Variants in FAM180B observed in about 807,000 individuals in gnomAD.
The protein encoded by FAM180B is family with sequence similarity 180 member B.
Under a neutral mutation model 13.6 loss-of-function variants are expected in FAM180B, and 14 were observed. The ratio of observed to expected loss-of-function variants is 1.03; its 90% CI spans 0.68 to 1.60. FAM180B has a LOEUF of 1.60. FAM180B is among the 40% of genes most tolerant of loss of function. The pLI, the probability that FAM180B is intolerant of heterozygous loss-of-function variation, is 0.00. For missense variants in FAM180B, 212 were observed against 230.4 expected (o/e 0.92, Z 0.52); for synonymous variants, 109 against 97.0 (o/e 1.12, Z -0.72).
rs1379331772 is a variant in FAM180B, at chr11:47,588,707, A to AGTGTGTGTGT, written c.*275_*284dup. On this transcript the variant is annotated 3_prime_UTR_variant, in exon 3 of 3. Transcript: ENST00000538490. ...AGAGCTAAGGGCACGACTTGCAGGC[A>AGTGTGTGTGT]GTGTGTGTGTGAGTGTGTGTGTGTG... 2 of 359,290 alleles carry AGTGTGTGTGT rather than the reference A, an allele frequency of 5.6e-6. No homozygotes were observed. Among genetic ancestry groups the AGTGTGTGTGT allele is most frequent in the Non-Finnish European group, 9.9e-6 (2 of 202,176 alleles). 22.3% of individuals were successfully genotyped at this position (359,290 alleles called of 1,614,324 possible). A position where few individuals can be genotyped will look rare whatever the true frequency, so the allele number is the denominator to read the frequency against.
chr11:47,587,938 A>G, intron 2 of FAM180B, 101 bp from the exon 3 acceptor site: 1 of 1,413,628 alleles, frequency 7.1e-7, no homozygotes, highest in African/African-American at 1.4e-5. Context: ...GCAAGCCAGC[A>G]TGCGTCCTGC....
chr11:47,587,788 G>A lies in FAM180B; in HGVS notation c.123G>A (p.Leu41=). ...PMDSTSVGGG[L]QEPEAPEVMF... ...ACAGCACCAGCGTGGGAGGTGGCCT[G>A]CAGGAGCCAGAGGCCCCGGAAGTGA... Residue 41 remains leucine, a synonymous_variant, in exon 2 of 3, where the codon CTG becomes CTA. Transcript: ENST00000538490. 6.5e-7 allele frequency: 1 copy of A among 1,535,216 alleles called. No homozygotes were observed. Among genetic ancestry groups the A allele is most frequent in the East Asian group, 2.4e-5 (1 of 40,904 alleles).
chr11:47,586,837 AAC>A lies in FAM180B; in HGVS notation c.70_71del (p.Thr24ProfsTer28), dbSNP rs2097271860. 1.3e-6 allele frequency: 2 copies of A among 1,537,008 alleles called. No homozygotes were observed. The highest frequency in any genetic ancestry group is 1.7e-6 in the Non-Finnish European group (2 of 1,146,678). On this transcript the variant is annotated frameshift_variant, in exon 1 of 3. Coordinates refer to ENST00000538490, the MANE Select transcript of FAM180B (RefSeq NM_001164379.3). LOFTEE classifies it high-confidence loss of function. ...AICLLSGVTTTQPHAGQPMDS... is the reference protein window; with the variant it reads ...AICLLSGVTTXQPHAGQPMDS... ...TTTGTCTCCTCTCTGGTGTGACTAC[AAC>A]CCAGCCCCATGCAGGTACCAGGCTT...
At chr11:47,587,707 A>C in intron 1 of FAM180B, 44 bp from the exon 2 acceptor site, 2 of 1,380,044 alleles carry the variant, frequency 1.4e-6, no homozygotes, top group South Asian at 1.4e-5. Flanking sequence ...TGGGGTGTTC[A>C]TGGTGTAGCA....
intron 1 of FAM180B, among the ~76,000 whole-genome samples, chr11:47,587,174 C>G (rs144007532): frequency 6.6e-6 from 1 of 152,040 alleles, no homozygotes; most frequent in African/African-American, 2.4e-5. Flanking sequence ...GTGGGCCGGA[C>G]GGAGCTGCCA....
At chr11:47,587,610 GGGCATGGGAT>G (rs2097272313) in intron 1 of FAM180B, 131 bp from the exon 2 acceptor site, 1 of 590,312 alleles carries the variant, frequency 1.7e-6, no homozygotes, top group South Asian at 2.2e-5. Context: ...GGGGAAAGGA[GGGCATGGGAT>G]GGCATTCCTG....
rs1185611283 is a variant in FAM180B at position 47,586,689 on chromosome 11, T to C, written c.-80T>C. 1.4e-5 allele frequency: 14 copies of C among 1,034,158 alleles called. No individual in the cohort carries two copies. Among genetic ancestry groups the C allele is most frequent in the Admixed American group, 6.0e-5 (3 of 50,388 alleles). The allele number at this position is 1,034,158 out of a possible 1,614,324, so 64.1% of individuals were successfully genotyped here. A position where few individuals can be genotyped will look rare whatever the true frequency, so the allele number is the denominator to read the frequency against. On this transcript the variant is annotated 5_prime_UTR_variant, in exon 1 of 3. Coordinates refer to ENST00000538490, the MANE Select transcript of FAM180B (RefSeq NM_001164379.3). ...CTCTGGAGCAGCCCGCAGTGGAAAGTTGGAGCTGAGGTGTGTGGCAGGCAG... is the reference window on the plus strand; with the variant it reads ...CTCTGGAGCAGCCCGCAGTGGAAAGCTGGAGCTGAGGTGTGTGGCAGGCAG...
rs368777210 is a variant in FAM180B, at chr11:47,588,120, C to G, written c.238C>G (p.Arg80Gly). ...DEELASTHPG[R>G]RLRLLLQHHV... ...GGAACTAGCGTCCACACACCCAGGC[C>G]GCCGACTCAGACTCCTCCTGCAGCA... The change falls in exon 3 of 3, where the codon CGC becomes GGC. Residue 80 changes from arginine (R) to glycine (G), a missense_variant. Physicochemically the swap from Arg to Gly is moderately radical, Grantham distance 125. Coordinates refer to ENST00000538490, the MANE Select transcript of FAM180B (RefSeq NM_001164379.3). The G allele has an allele frequency of 6.5e-7, 1 of 1,537,196 alleles. No individual in the cohort carries two copies. Among genetic ancestry groups the G allele is most frequent in the Admixed American group, 2.0e-5 (1 of 50,992 alleles).
chr11:47,586,753 G>C lies in FAM180B; in HGVS notation c.-16G>C, dbSNP rs771010800. 5 of 1,532,910 alleles carry C rather than the reference G, an allele frequency of 3.3e-6. No individual in the cohort carries two copies. The highest frequency in any genetic ancestry group is 4.4e-6 in the Non-Finnish European group (5 of 1,142,980). The allele number at this position is 1,532,910 out of a possible 1,614,324, so 95.0% of individuals were successfully genotyped here. ...GAACTGCTGAACAGAGTGAGACTCA[G>C]AGGACGTGGTTGAGCATGGCTGCGA... On this transcript the variant is annotated 5_prime_UTR_variant, in exon 1 of 3. Transcript: ENST00000538490.
chr11:47,586,993 A>G, intron 1 of FAM180B, 140 bp downstream of exon 1: 1 of 658,644 alleles, frequency 1.5e-6, no homozygotes, highest in East Asian at 2.7e-5. Flanking sequence ...GGTGGGTGAC[A>G]GTGTGGGCCC....
rs2097272912 is a variant in FAM180B at position 47,588,347 on chromosome 11, A to G, written c.465A>G (p.Thr155=). The G allele has an allele frequency of 6.5e-7, 1 of 1,536,484 alleles. No individual in the cohort carries two copies. Residue 155 remains threonine (T), a synonymous_variant, in exon 3 of 3, where the codon ACA becomes ACG. Transcript: ENST00000538490. The part of the protein sequence containing the change: ...AQVFALLAQE[T]LWDLCKGFCP... ...TCTTCGCTCTCCTGGCACAGGAAAC[A>G]CTCTGGGACCTGTGCAAAGGTTTCT...
chr11:47,588,564 C>T lies in FAM180B; in HGVS notation c.*130C>T. On this transcript the variant is annotated 3_prime_UTR_variant, in exon 3 of 3. Transcript: ENST00000538490. ...TTTTCACCGTGTTCAGATCTCTGGG[C>T]TTGGCTTGCACCCTGGACACCCCCT... 1.7e-6 allele frequency: 1 copy of T among 592,310 alleles called. No individual in the cohort carries two copies. The highest frequency in any genetic ancestry group is 3.0e-6 in the Non-Finnish European group (1 of 337,094). 36.7% of individuals were successfully genotyped at this position (592,310 alleles called of 1,614,324 possible). A position where few individuals can be genotyped will look rare whatever the true frequency, so the allele number is the denominator to read the frequency against.
chr11:47,587,875 C>G, intron 2 of FAM180B, 54 bp downstream of exon 2: 1 of 1,472,934 alleles, frequency 6.8e-7, no homozygotes, highest in Non-Finnish European at 9.0e-7. Context: ...GGTCCCTAAG[C>G]TCAGGGTTGG....
chr11:47,586,662 A>T (rs1268048286), upstream of FAM180B: 1 of 808,908 alleles, frequency 1.2e-6, no homozygotes, highest in South Asian at 1.4e-5. Flanking sequence ...CGCATTACAG[A>T]GCTCTGGAGC....
rs1480630344 is a variant in FAM180B, at chr11:47,588,932, G to GCTGCCT, written c.*498_*499insCTGCCT. On this transcript the variant is annotated 3_prime_UTR_variant, in exon 3 of 3. Transcript: ENST00000538490. ...CCCTTTTAGGCACAACCAAGGATTT[G>GCTGCCT]GGGTCTCTGAGCCTCCAAGTTCCCA... is the stretch of plus-strand genomic sequence containing the variant. 6.6e-6 allele frequency: 1 copy of GCTGCCT among 152,166 alleles called. No homozygotes were observed. Among genetic ancestry groups the GCTGCCT allele is most frequent in the Non-Finnish European group, 1.5e-5 (1 of 68,118 alleles). The allele number at this position is 152,166 out of a possible 1,614,324, so 9.4% of individuals were successfully genotyped here. A position where few individuals can be genotyped will look rare whatever the true frequency, so the allele number is the denominator to read the frequency against.
At chr11:47,587,919 T>A in intron 2 of FAM180B, 98 bp downstream of exon 2, 1 of 1,412,150 alleles carries the variant, frequency 7.1e-7, no homozygotes, top group Non-Finnish European at 9.5e-7. Flanking sequence ...CCTGCTAGGG[T>A]TGGGTGGGGC....
intron 2 of FAM180B, 48 bp from the exon 3 acceptor site, chr11:47,587,991 C>T: frequency 2.0e-6 from 3 of 1,490,290 alleles, no homozygotes; most frequent in Non-Finnish European, 2.7e-6. Context: ...TTGCTCCCTG[C>T]CCTGCTCCCC....
At chr11:47,587,865 G>A in intron 2 of FAM180B, 44 bp downstream of exon 2, 2 of 1,490,528 alleles carry the variant, frequency 1.3e-6, no homozygotes, top group Non-Finnish European at 1.8e-6. Context: ...CACGTCCAGA[G>A]GTCCCTAAGC....
At position 47,588,747 on chromosome 11, in the gene FAM180B, TGTGTGTGTG is replaced by T; in HGVS notation, c.*315_*323del. The T allele has an allele frequency of 3.7e-6, 1 of 270,556 alleles. No homozygotes were observed. Among genetic ancestry groups the T allele is most frequent in the Non-Finnish European group, 6.9e-6 (1 of 145,748 alleles). The allele number at this position is 270,556 out of a possible 1,614,324, so 16.8% of individuals were successfully genotyped here. A position where few individuals can be genotyped will look rare whatever the true frequency, so the allele number is the denominator to read the frequency against. ...GTGTGTGTGTGTGTGTGTGTGTGTGTGTGTGTGTGGAGATCAGGGGTCAGGGTTGAGAAG... is the reference window on the plus strand; with the variant it reads ...GTGTGTGTGTGTGTGTGTGTGTGTGTGAGATCAGGGGTCAGGGTTGAGAAG... On this transcript the variant is annotated 3_prime_UTR_variant, in exon 3 of 3. Transcript: ENST00000538490.
Sources: gnomAD v4.1 joint callset for allele counts (sites outside exome capture counted in the v4.1 genomes callset) on GRCh38, gnomAD v4.1.1 for gene constraint, MANE v1.5 for transcripts, NCBI Gene and HGNC (gene_info 2026-07-23, HGNC 2026-07-21) for gene names.